Variants in CPSF7 observed in about 807,000 individuals in gnomAD.
CPSF7 encodes cleavage and polyadenylation specific factor 7, also known as cleavage and polyadenylation specificity factor subunit 7.
A neutral mutation model predicts 44.3 loss-of-function variants in CPSF7; 1 was observed. The observed-to-expected ratio is 0.02, with a 90% CI of 0.01 to 0.11. CPSF7 has a LOEUF of 0.11. Ranked by LOEUF, CPSF7 falls within the 10% of genes least tolerant of loss-of-function variation. CPSF7 has a pLI of 1.00. For missense variants in CPSF7, 443 were observed against 607.2 expected (o/e 0.73, Z 2.84); for synonymous variants, 202 against 222.0 (o/e 0.91, Z 0.80).
intron 9 of CPSF7, among the ~76,000 whole-genome samples, chr11:61,406,494 T>C (rs1213687100): frequency 9.2e-5 from 14 of 152,296 alleles, no homozygotes; most frequent in East Asian, 1.9e-4. Flanking sequence ...ATGTAAGAAA[T>C]TGACATTCTT....
chr11:61,420,415 A>C (rs1031861495), intron 4 of CPSF7, 55 bp downstream of exon 4: 3 of 1,469,850 alleles, frequency 2.0e-6, no homozygotes, highest in Middle Eastern at 1.7e-4. Context: ...TATAGTACAG[A>C]TCTTTTATCC....
chr11:61,419,014 A>C (rs1231389711), intron 5 of CPSF7, among the ~76,000 whole-genome samples: 2 of 151,228 alleles, frequency 1.3e-5, no homozygotes, highest in African/African-American at 4.9e-5. Context: ...CACCATGCCC[A>C]GCCCCTAACT....
intron 2 of CPSF7, among the ~76,000 whole-genome samples, chr11:61,423,245 T>A (rs2135385084): frequency 7.5e-6 from 1 of 132,776 alleles, no homozygotes; most frequent in East Asian, 2.6e-4. Context: ...CCATCTCAGC[T>A]CACTGCAACC....
intron 9 of CPSF7, among the ~76,000 whole-genome samples, chr11:61,407,614 G>A (rs542664476): frequency 3.9e-5 from 6 of 152,322 alleles, no homozygotes; most frequent in African/African-American, 1.2e-4. Flanking sequence ...TTCTACATGA[G>A]TTAACCTAGA....
chr11:61,429,786 A>G (rs1861785565), intron 1 of CPSF7, 128 bp downstream of exon 1: 1 of 1,542,556 alleles, frequency 6.5e-7, no homozygotes, highest in East Asian at 2.5e-5. Flanking sequence ...CTCCTCCCTC[A>G]AAAGGCCCGC....
intron 5 of CPSF7, among the ~76,000 whole-genome samples, 162 bp from the exon 6 acceptor site, chr11:61,416,681 A>G (rs1376310395): frequency 6.6e-6 from 1 of 152,202 alleles, no homozygotes; most frequent in South Asian, 2.1e-4. Context: ...CAGAGGTCAG[A>G]AGCAACTCAG....
chr11:61,429,638 G>A (rs901361628), intron 1 of CPSF7: 7 of 1,150,648 alleles, frequency 6.1e-6, no homozygotes, highest in African/African-American at 1.6e-5. Context: ...CACCTGCCTA[G>A]CCCCCAAGGC....
At chr11:61,424,153 G>C (rs1164291280) in intron 2 of CPSF7, among the ~76,000 whole-genome samples, 3 of 152,176 alleles carry the variant, frequency 2.0e-5, no homozygotes, top group African/African-American at 7.2e-5. Context: ...TGCATAAAAA[G>C]GGTCAGCATG....
At position 61,402,933 on chromosome 11, in the gene CPSF7, T is replaced by G. The variant is rs1302161014; in HGVS notation, c.*1777A>C. 54 of 152,220 alleles carry G rather than the reference T, an allele frequency of 3.5e-4. No individual in the cohort carries two copies. The highest frequency in any genetic ancestry group is 3.5e-3 in the Admixed American group (54 of 15,246). 9.4% of individuals were successfully genotyped at this position (152,220 alleles called of 1,614,324 possible). On this transcript the variant is annotated 3_prime_UTR_variant, in exon 10 of 10. Coordinates refer to ENST00000439958, the MANE Select transcript of CPSF7 (RefSeq NM_001142565.3). ...AAAAAATTCTCCGGGTAAACGGCAT[T>G]TCTGGTATTCTATATATATTTTTCC...
chr11:61,413,209 G>A (rs950275672), intron 7 of CPSF7, among the ~76,000 whole-genome samples: 4 of 152,130 alleles, frequency 2.6e-5, no homozygotes, highest in African/African-American at 9.7e-5. Context: ...ATAGGTATGA[G>A]CCACTGTACC....
chr11:61,421,607 T>C lies in CPSF7; in HGVS notation c.56A>G (p.Asp19Gly). ...DIYADEEFNQ[D>G]PEFNNTDQID... The stretch of plus-strand genomic sequence containing the variant: ...CTGATCTGTATTGTTGAACTCTGGG[T>C]CCTAAGAGATGAGGGGTTGGCAAAG... The change falls in exon 3 of 10, where the codon GAC (aspartate) becomes GGC (glycine). Residue 19 changes from aspartate to glycine, a missense_variant and splice_region_variant. Asp to Gly is a moderately conservative substitution (Grantham distance 94, BLOSUM62 -1). Coordinates refer to ENST00000439958, the MANE Select transcript of CPSF7 (RefSeq NM_001142565.3). 6.2e-7 allele frequency: 1 copy of C among 1,609,690 alleles called. No individual in the cohort carries two copies. The highest frequency in any genetic ancestry group is 8.5e-7 in the Non-Finnish European group (1 of 1,176,912).
intron 9 of CPSF7, among the ~76,000 whole-genome samples, chr11:61,408,584 A>G (rs1028426721): frequency 6.6e-6 from 1 of 152,064 alleles, no homozygotes; most frequent in African/African-American, 2.4e-5. Flanking sequence ...ATTTCCATAG[A>G]AGCAGAGACA....
chr11:61,429,333 T>A, intron 1 of CPSF7, 43 bp from the exon 2 acceptor site: 1 of 1,204,650 alleles, frequency 8.3e-7, no homozygotes. Context: ...GGCACGAGGG[T>A]CCTGGGCTGG....
intron 5 of CPSF7, among the ~76,000 whole-genome samples, chr11:61,417,743 T>C (rs1384757018): frequency 1.3e-5 from 2 of 152,216 alleles, no homozygotes; most frequent in Non-Finnish European, 2.9e-5. Flanking sequence ...GCAAGTGTCA[T>C]CTGACAGTTA....
intron 2 of CPSF7, among the ~76,000 whole-genome samples, chr11:61,424,422 T>C (rs1004155533): frequency 6.6e-6 from 1 of 152,184 alleles, no homozygotes; most frequent in African/African-American, 2.4e-5. Context: ...CATCCAATGC[T>C]CAAATCCTTA....
intron 2 of CPSF7, 158 bp downstream of exon 2, chr11:61,429,024 G>A: frequency 1.9e-6 from 1 of 537,344 alleles, no homozygotes; most frequent in Non-Finnish European, 3.4e-6. Flanking sequence ...AAAGAGGAAT[G>A]GAGTGTAGTC....
intron 2 of CPSF7, among the ~76,000 whole-genome samples, chr11:61,428,458 T>C (rs1347293458): frequency 3.9e-5 from 6 of 152,178 alleles, no homozygotes; most frequent in Non-Finnish European, 8.8e-5. Flanking sequence ...GCAGCTGAGA[T>C]TACAGTCAAG....
At chr11:61,419,783 T>G in intron 5 of CPSF7, 166 bp downstream of exon 5, 1 of 783,226 alleles carries the variant, frequency 1.3e-6, no homozygotes, top group Non-Finnish European at 2.1e-6. Flanking sequence ...AGACCTATTC[T>G]GAGGACTACT....
At chr11:61,423,622 G>A (rs1861098739) in intron 2 of CPSF7, among the ~76,000 whole-genome samples, 1 of 152,162 alleles carries the variant, frequency 6.6e-6, no homozygotes, top group Non-Finnish European at 1.5e-5. Flanking sequence ...GTTTCATATT[G>A]CTATTCTTTT....
Sources: gnomAD v4.1 joint callset for allele counts (sites outside exome capture counted in the v4.1 genomes callset) on GRCh38, gnomAD v4.1.1 for gene constraint, MANE v1.5 for transcripts, NCBI Gene and HGNC (gene_info 2026-07-23, HGNC 2026-07-21) for gene names.